CWF19L2: variants seen among roughly 807,000 people sequenced by gnomAD.
CWF19L2 encodes CWF19-like protein 2.
CWF19L2 carries 98 observed loss-of-function variants against 111.7 expected under a neutral mutation model. That is an observed-to-expected ratio of 0.88 (90% CI 0.75 to 1.04). The LOEUF (loss-of-function observed/expected upper bound fraction) is 1.04. Ranked by LOEUF, CWF19L2 falls within the 50% of genes least tolerant of loss-of-function variation. The pLI, the probability that CWF19L2 is intolerant of heterozygous loss-of-function variation, is 0.00. For synonymous variants in CWF19L2, 351 were observed against 342.9 expected, an observed-to-expected ratio of 1.02 and a Z score of -0.26; for missense variants, 1,101 against 1,051.4, an observed-to-expected ratio of 1.05 and a Z score of -0.65.
rs545956747 is a variant in CWF19L2, at chr11:107,420,182, TCAA to T, written c.1434-1898_1434-1896del. On this transcript the variant is annotated intron_variant, in intron 8 of 17. Coordinates refer to ENST00000282251, the MANE Select transcript of CWF19L2 (RefSeq NM_152434.3). ...AGTTACATATTTGAACCTAATTATA[TCAA>T]CAACATTATATATAAATGGTCCAAA... Among the ~76,000 whole-genome samples the T allele has an allele frequency of 2.6e-3, 402 of 152,064 alleles. 1 individual carries two copies. Among genetic ancestry groups the T allele is most frequent in the African/African-American group, 9.2e-3 (380 of 41,514 alleles).
rs1310481520 is a variant in CWF19L2, at chr11:107,457,799, C to T, written c.18G>A (p.Ala6=). 1.3e-6 allele frequency: 2 copies of T among 1,551,712 alleles called. No individual in the cohort carries two copies. The highest frequency in any genetic ancestry group is 1.7e-6 in the Non-Finnish European group (2 of 1,146,922). Reference sequence around the variant, plus strand: ...CACTTTCAAATCTACCACTAGCAGCCGCCATACTTGTTGCCATCGTAAAGC... The same window carrying T: ...CACTTTCAAATCTACCACTAGCAGCTGCCATACTTGTTGCCATCGTAAAGC... MATSM[A]AASGRFESAK... The change falls in exon 1 of 18, where the codon GCG becomes GCA. Residue 6 remains alanine, a synonymous_variant. Coordinates refer to ENST00000282251, the MANE Select transcript of CWF19L2 (RefSeq NM_152434.3).
intron 10 of CWF19L2, among the ~76,000 whole-genome samples, chr11:107,415,098 T>C (rs487705): frequency 0.17 from 26,332 of 152,176 alleles, 2,459 homozygotes; most frequent in Middle Eastern, 0.27. Context: ...TGGCCACCTA[T>C]AGTCTCTCTA....
At chr11:107,396,865 T>C (rs1016602763) in intron 10 of CWF19L2, among the ~76,000 whole-genome samples, 1 of 152,056 alleles carries the variant, frequency 6.6e-6, no homozygotes, top group Non-Finnish European at 1.5e-5. Context: ...ACTGTGGAAG[T>C]GGGAACACAC....
chr11:107,404,207 TA>T (rs1322794046), intron 10 of CWF19L2: 1 of 777,212 alleles, frequency 1.3e-6, no homozygotes, highest in Non-Finnish European at 2.4e-6. Context: ...TAGACCTTCA[TA>T]AATTCATTGT....
intron 14 of CWF19L2, among the ~76,000 whole-genome samples, chr11:107,343,333 C>T (rs192291966): frequency 5.4e-4 from 82 of 152,140 alleles, no homozygotes; most frequent in South Asian, 2.1e-4. Flanking sequence ...TATGTCTTCT[C>T]GGTGGATTGA....
At chr11:107,456,375 A>G (rs1044855786) in intron 1 of CWF19L2, among the ~76,000 whole-genome samples, 1 of 152,178 alleles carries the variant, frequency 6.6e-6, no homozygotes, top group Non-Finnish European at 1.5e-5. Context: ...TATCTCTACT[A>G]TAAGATTTAT....
At chr11:107,415,949 T>C (rs535282018) in intron 10 of CWF19L2, among the ~76,000 whole-genome samples, 21 of 151,844 alleles carry the variant, frequency 1.4e-4, no homozygotes, top group South Asian at 1.2e-3. Flanking sequence ...ATACAAAAAT[T>C]AGCCAGGCAT....
intron 14 of CWF19L2, among the ~76,000 whole-genome samples, chr11:107,346,727 G>A (rs966566688): frequency 3.9e-5 from 6 of 152,132 alleles, no homozygotes; most frequent in Admixed American, 1.3e-4. Context: ...CCAGACACAG[G>A]TGAGAGTTTA....
At chr11:107,455,219 C>T (rs555967973) in intron 2 of CWF19L2, among the ~76,000 whole-genome samples, 124 of 152,044 alleles carry the variant, frequency 8.2e-4, no homozygotes, top group Non-Finnish European at 1.5e-3. Context: ...TGTTCATTAG[C>T]TTGACTGAAT....
chr11:107,328,414 T>A (rs1385911472), intron 17 of CWF19L2, among the ~76,000 whole-genome samples: 1 of 152,160 alleles, frequency 6.6e-6, no homozygotes, highest in Non-Finnish European at 1.5e-5. Context: ...TTGACTCTTG[T>A]TCTGTTATCA....
At chr11:107,374,197 C>T (rs1860560215) in intron 12 of CWF19L2, among the ~76,000 whole-genome samples, 1 of 131,162 alleles carries the variant, frequency 7.6e-6, no homozygotes, top group East Asian at 2.2e-4. Flanking sequence ...AAACACTCTG[C>T]AGGATATTAT....
intron 10 of CWF19L2, among the ~76,000 whole-genome samples, chr11:107,400,994 A>C (rs1402141137): frequency 2.6e-5 from 4 of 152,230 alleles, no homozygotes; most frequent in Non-Finnish European, 4.4e-5. Context: ...ATGCAGAAAA[A>C]GCATTTGACA....
chr11:107,329,443 A>G (rs1034040491), intron 17 of CWF19L2, among the ~76,000 whole-genome samples: 2 of 152,176 alleles, frequency 1.3e-5, no homozygotes, highest in African/African-American at 2.4e-5. Flanking sequence ...AACCATGACT[A>G]TATGTACTCC....
At chr11:107,351,059 G>C (rs969622180) in intron 13 of CWF19L2, among the ~76,000 whole-genome samples, 5 of 152,172 alleles carry the variant, frequency 3.3e-5, no homozygotes, top group Non-Finnish European at 5.9e-5. Flanking sequence ...CTGAAAGCCA[G>C]ATCTGACTAA....
chr11:107,393,484 T>C (rs1014368177), intron 10 of CWF19L2, among the ~76,000 whole-genome samples: 8 of 152,246 alleles, frequency 5.3e-5, no homozygotes, highest in African/African-American at 1.9e-4. Context: ...TATTCTCTAA[T>C]GGAAATGGAA....
chr11:107,363,625 G>C (rs1454401430), intron 12 of CWF19L2, among the ~76,000 whole-genome samples: 1 of 121,488 alleles, frequency 8.2e-6, no homozygotes, highest in African/African-American at 3.5e-5. Context: ...CAAATGCTGA[G>C]AGATTCTGTC....
intron 16 of CWF19L2, among the ~76,000 whole-genome samples, chr11:107,330,410 T>C (rs559587255): frequency 2.0e-5 from 3 of 152,260 alleles, no homozygotes; most frequent in African/African-American, 4.8e-5. Flanking sequence ...AAGAGGGACC[T>C]TGCACATACT....
chr11:107,457,391 G>A (rs1861870229), intron 1 of CWF19L2, among the ~76,000 whole-genome samples: 1 of 152,180 alleles, frequency 6.6e-6, no homozygotes, highest in South Asian at 2.1e-4. Flanking sequence ...TGCTGGCAGA[G>A]TCCTTACAAG....
intron 10 of CWF19L2, among the ~76,000 whole-genome samples, chr11:107,409,815 G>A (rs1189408643): frequency 1.3e-5 from 2 of 152,050 alleles, no homozygotes; most frequent in Admixed American, 6.5e-5. Context: ...AAAGATCATG[G>A]ATCATTTTTA....
Sources: allele counts gnomAD v4.1 joint callset (sites outside exome capture counted in the v4.1 genomes callset), GRCh38; gene constraint gnomAD v4.1.1; transcripts MANE v1.5; gene names NCBI Gene and HGNC (gene_info 2026-07-23, HGNC 2026-07-21).